The following LDB2 variants were observed in gnomAD, a reference collection of about 807,000 sequenced individuals.
LDB2 encodes the protein LIM domain binding 2.
LDB2 carries 12 observed loss-of-function variants against 44.3 expected under a neutral mutation model. The ratio of observed to expected loss-of-function variants is 0.27; its 90% confidence interval spans 0.17 to 0.44. LDB2 has a LOEUF of 0.44. Ranked by LOEUF, LDB2 falls within the 20% of genes least tolerant of loss-of-function variation. The pLI is 1.00. For missense variants in LDB2, 344 were observed against 473.5 expected (o/e 0.73, Z 2.54); for synonymous variants, 164 against 174.8 (o/e 0.94, Z 0.49).
chr4:16,513,815 A>G (rs1363393912), intron 5 of LDB2, among the ~76,000 whole-genome samples: 1 of 152,174 alleles, frequency 6.6e-6, no homozygotes, highest in African/African-American at 2.4e-5. Context: ...ACAGCAAGCC[A>G]TAGAAACTAG....
At chr4:16,815,622 T>C (rs1450480667) in intron 1 of LDB2, among the ~76,000 whole-genome samples, 1 of 152,154 alleles carries the variant, frequency 6.6e-6, no homozygotes, top group Non-Finnish European at 1.5e-5. Flanking sequence ...TCTTCCTACC[T>C]ACAGAACCCA....
At chr4:16,857,419 A>G (rs1483007) in intron 1 of LDB2, among the ~76,000 whole-genome samples, 25,668 of 152,158 alleles carry the variant, frequency 0.17, 2,949 homozygotes, top group South Asian at 0.31. Flanking sequence ...CCTACCATAC[A>G]TGATCTTCAT....
At chr4:16,881,174 G>A (rs1210226092) in intron 1 of LDB2, among the ~76,000 whole-genome samples, 1 of 152,178 alleles carries the variant, frequency 6.6e-6, no homozygotes, top group Non-Finnish European at 1.5e-5. Flanking sequence ...CTGTAAAGTG[G>A]GCGCTGTCTG....
At chr4:16,598,691 T>C (rs1721724818) in intron 2 of LDB2, among the ~76,000 whole-genome samples, 1 of 151,848 alleles carries the variant, frequency 6.6e-6, no homozygotes, top group Non-Finnish European at 1.5e-5. Flanking sequence ...AAGAGGGAAG[T>C]TTTGCCAGGA....
chr4:16,717,492 C>T (rs2658508), intron 2 of LDB2, among the ~76,000 whole-genome samples: 1 of 151,800 alleles, frequency 6.6e-6, no homozygotes, highest in South Asian at 2.1e-4. Flanking sequence ...TGACTTGCTT[C>T]CACTAGCTGA....
intron 1 of LDB2, among the ~76,000 whole-genome samples, chr4:16,806,256 A>G (rs1337478014): frequency 6.6e-6 from 1 of 152,218 alleles, no homozygotes; most frequent in African/African-American, 2.4e-5. Flanking sequence ...AGAACTGCAT[A>G]TTCCTCTGTT....
chr4:16,671,006 C>T (rs1203474485), intron 2 of LDB2, among the ~76,000 whole-genome samples: 3 of 151,894 alleles, frequency 2.0e-5, no homozygotes, highest in African/African-American at 7.3e-5. Flanking sequence ...ACTGTAGAAC[C>T]CACAGCCTGT....
At chr4:16,742,847 T>C (rs1305778731) in intron 2 of LDB2, among the ~76,000 whole-genome samples, 2 of 152,204 alleles carry the variant, frequency 1.3e-5, no homozygotes, top group African/African-American at 4.8e-5. Flanking sequence ...TGGGATGTGC[T>C]TCTTCCACTC....
intron 2 of LDB2, among the ~76,000 whole-genome samples, chr4:16,611,389 C>A (rs1371741362): frequency 2.0e-5 from 3 of 152,054 alleles, no homozygotes; most frequent in Non-Finnish European, 4.4e-5. Context: ...TGTAAACAGG[C>A]TAAATGCCTC....
chr4:16,897,447 T>C (rs933140869), intron 1 of LDB2, among the ~76,000 whole-genome samples: 8 of 152,210 alleles, frequency 5.3e-5, no homozygotes, highest in African/African-American at 1.9e-4. Context: ...ACCTGCCAGC[T>C]GAGCTAGCAC....
At chr4:16,619,379 T>C (rs1728231859) in intron 2 of LDB2, among the ~76,000 whole-genome samples, 1 of 152,130 alleles carries the variant, frequency 6.6e-6, no homozygotes, top group Non-Finnish European at 1.5e-5. Flanking sequence ...ATTTCAGTTT[T>C]CAAACCACCA....
At chr4:16,694,983 A>C (rs1361326428) in intron 2 of LDB2, among the ~76,000 whole-genome samples, 1 of 152,180 alleles carries the variant, frequency 6.6e-6, no homozygotes, top group Non-Finnish European at 1.5e-5. Context: ...GAATTTGTGT[A>C]CTTACCTTTC....
At chr4:16,804,872 G>T (rs1466612016) in intron 1 of LDB2, among the ~76,000 whole-genome samples, 1 of 152,108 alleles carries the variant, frequency 6.6e-6, no homozygotes, top group Admixed American at 6.6e-5. Flanking sequence ...CAATAGACTG[G>T]GTAGTATTTT....
intron 1 of LDB2, among the ~76,000 whole-genome samples, chr4:16,762,140 G>A (rs990453578): frequency 6.6e-6 from 1 of 152,048 alleles, no homozygotes; most frequent in Non-Finnish European, 1.5e-5. Context: ...AGGTAGCAGT[G>A]AGCCAAGATC....
At chr4:16,639,422 G>A (rs1176373264) in intron 2 of LDB2, among the ~76,000 whole-genome samples, 2 of 152,192 alleles carry the variant, frequency 1.3e-5, no homozygotes, top group Non-Finnish European at 2.9e-5. Context: ...AGAATAGTAA[G>A]TTTGATGAAA....
At position 16,888,563 on chromosome 4, in the gene LDB2, A is replaced by G. The variant is rs192880505; in HGVS notation, c.132+9791T>C. 172 of 240,030 alleles carry G rather than the reference A, an allele frequency of 7.2e-4. 1 individual carries two copies. The highest frequency in any genetic ancestry group is 1.1e-3 in the Non-Finnish European group (157 of 148,434). The allele number at this position is 240,030 out of a possible 1,614,324, so 14.9% of individuals were successfully genotyped here. A position where few individuals can be genotyped will look rare whatever the true frequency, so the allele number is the denominator to read the frequency against. On this transcript the variant is annotated intron_variant, in intron 1 of 7. Transcript: ENST00000304523. ...GAACAACCAAACTCAAGAGTCCTAG[A>G]TCATGTTATTGCAAGTTTTGTTTAT...
intron 5 of LDB2, among the ~76,000 whole-genome samples, chr4:16,531,185 C>G (rs926747523): frequency 6.6e-6 from 1 of 152,194 alleles, no homozygotes; most frequent in African/African-American, 2.4e-5. Flanking sequence ...CTTCCCACTA[C>G]GCTCTACTAT....
chr4:16,534,606 A>T (rs1731163660), intron 5 of LDB2, among the ~76,000 whole-genome samples: 1 of 152,262 alleles, frequency 6.6e-6, no homozygotes, highest in Non-Finnish European at 1.5e-5. Flanking sequence ...GTATCTTTAC[A>T]AACACTATGT....
At chr4:16,666,363 A>G (rs80269996) in intron 2 of LDB2, among the ~76,000 whole-genome samples, 2 of 152,160 alleles carry the variant, frequency 1.3e-5, no homozygotes, top group Non-Finnish European at 2.9e-5. Flanking sequence ...GCAAAAAAAA[A>G]GGCTACGCTG....
Sources: allele counts gnomAD v4.1 joint callset (sites outside exome capture counted in the v4.1 genomes callset), GRCh38; gene constraint gnomAD v4.1.1; transcripts MANE v1.5; gene names NCBI Gene and HGNC (gene_info 2026-07-23, HGNC 2026-07-21).